Variants in PTPRO observed in about 807,000 individuals in gnomAD.
PTPRO encodes protein tyrosine phosphatase receptor type O, also known as receptor-type tyrosine-protein phosphatase O.
Under a neutral mutation model 145.2 loss-of-function variants are expected in PTPRO, and 62 were observed. The observed-to-expected ratio is 0.43, with a 90% CI of 0.35 to 0.53. The LOEUF (loss-of-function observed/expected upper bound fraction) is 0.53. PTPRO is among the 20% of genes least tolerant of loss of function. The pLI, the probability that PTPRO is intolerant of heterozygous loss-of-function variation, is 0.01. For missense variants in PTPRO, 1,345 were observed against 1,482.7 expected (o/e 0.91, Z 1.53); for synonymous variants, 565 against 514.7 (o/e 1.10, Z -1.32).
intron 1 of PTPRO, among the ~76,000 whole-genome samples, chr12:15,434,307 C>G (rs1024688879): frequency 5.3e-5 from 8 of 152,196 alleles, no homozygotes; most frequent in Non-Finnish European, 1.2e-4. Flanking sequence ...TTTCAAAATA[C>G]TTTTAGGTTT....
chr12:15,578,874 G>A lies in PTPRO; in HGVS notation c.2851G>A (p.Asp951Asn). The change falls in exon 20 of 27, where the codon GAT (aspartate) becomes AAT (asparagine). Residue 951 changes from aspartate (D) to asparagine (N), a missense_variant. Physicochemically the swap from Asp to Asn is conservative, Grantham distance 23. Transcript: ENST00000281171. ...QFEELKLIGL[D>N]IPHFAADLPL... Reference sequence around the variant, plus strand: ...ACAGGAGTTGAAATTGATTGGACTGGATATCCCACACTTTGCTGCAGATCT... The same window carrying A: ...ACAGGAGTTGAAATTGATTGGACTGAATATCCCACACTTTGCTGCAGATCT... The A allele has an allele frequency of 1.2e-6, 2 of 1,603,108 alleles. No homozygotes were observed. Among genetic ancestry groups the A allele is most frequent in the East Asian group, 2.2e-5 (1 of 44,788 alleles).
chr12:15,448,783 T>C (rs1209565158), intron 1 of PTPRO, among the ~76,000 whole-genome samples: 1 of 152,112 alleles, frequency 6.6e-6, no homozygotes, highest in Non-Finnish European at 1.5e-5. Flanking sequence ...TAAGTTTCTG[T>C]TGATTGAAAA....
chr12:15,440,612 G>C (rs750118374), intron 1 of PTPRO, among the ~76,000 whole-genome samples: 1 of 152,068 alleles, frequency 6.6e-6, no homozygotes, highest in African/African-American at 2.4e-5. Flanking sequence ...TCTAATCCCA[G>C]CACTTTGGGA....
chr12:15,487,761 G>A (rs1941920114), intron 2 of PTPRO, among the ~76,000 whole-genome samples: 1 of 152,120 alleles, frequency 6.6e-6, no homozygotes, highest in Non-Finnish European at 1.5e-5. Flanking sequence ...TGATGGAAAT[G>A]TTCTATGTCC....
At chr12:15,425,921 A>C (rs1940273376) in intron 1 of PTPRO, among the ~76,000 whole-genome samples, 1 of 151,922 alleles carries the variant, frequency 6.6e-6, no homozygotes, top group Admixed American at 6.6e-5. Context: ...AATATATACA[A>C]TTAGTGTCTT....
At chr12:15,511,993 AT>A (rs1450501615) in intron 7 of PTPRO, among the ~76,000 whole-genome samples, 1 of 152,232 alleles carries the variant, frequency 6.6e-6, no homozygotes, top group African/African-American at 2.4e-5. Context: ...TATGCCCTTT[AT>A]TATTCTAAAC....
At chr12:15,354,700 T>C (rs1937928148) in intron 1 of PTPRO, among the ~76,000 whole-genome samples, 1 of 152,194 alleles carries the variant, frequency 6.6e-6, no homozygotes, top group African/African-American at 2.4e-5. Flanking sequence ...AAAAAAGGTT[T>C]GTTATATGGT....
intron 12 of PTPRO, among the ~76,000 whole-genome samples, chr12:15,541,376 TC>T (rs1943177222): frequency 6.6e-6 from 1 of 152,320 alleles, no homozygotes; most frequent in Non-Finnish European, 1.5e-5. Context: ...GGTTTTTTCA[TC>T]CCTCATGTGC....
intron 12 of PTPRO, among the ~76,000 whole-genome samples, chr12:15,531,169 G>A (rs928800168): frequency 3.3e-5 from 5 of 152,018 alleles, no homozygotes; most frequent in Admixed American, 2.6e-4. Context: ...TTAAGAACAA[G>A]AAAACCTTAA....
intron 1 of PTPRO, among the ~76,000 whole-genome samples, chr12:15,334,286 C>T (rs1180569365): frequency 1.3e-5 from 2 of 152,020 alleles, no homozygotes; most frequent in African/African-American, 4.8e-5. Flanking sequence ...ATTGTCTTTT[C>T]CTGGATAAAA....
At chr12:15,482,638 A>G (rs1941803849) in intron 1 of PTPRO, among the ~76,000 whole-genome samples, 1 of 152,172 alleles carries the variant, frequency 6.6e-6, no homozygotes. Flanking sequence ...GGTACCCCAT[A>G]AAGATGTAAA....
chr12:15,402,711 TTTG>T lies in PTPRO; in HGVS notation c.75+79913_75+79915del, dbSNP rs557870928. The stretch of plus-strand genomic sequence containing the variant: ...ACAAATGTTGTCATTTGCCTTTATG[TTTG>T]TTATTTCACTGACACCAAGCAGTAC... On this transcript the variant is annotated intron_variant, in intron 1 of 26. Transcript: ENST00000281171. 7.1e-3 allele frequency among the ~76,000 whole-genome samples: 1,076 copies of T among 152,280 alleles called. 7 individuals carry two copies. The highest frequency in any genetic ancestry group is 0.012 in the Non-Finnish European group (820 of 68,018).
chr12:15,575,759 G>A lies in PTPRO; in HGVS notation c.2830-3094G>A, dbSNP rs1944171071. On this transcript the variant is annotated intron_variant, in intron 19 of 26. Coordinates refer to ENST00000281171, the MANE Select transcript of PTPRO (RefSeq NM_030667.3). ...AGAGCCAGAATTCCAAAATCAAGGT[G>A]TCAGCAGGGCCACACTCCCCCTGAA... 2.6e-5 allele frequency among the ~76,000 whole-genome samples: 4 copies of A among 152,154 alleles called. No individual in the cohort carries two copies. In the South Asian group the frequency reaches 8.3e-4, roughly 31 times the overall value.
chr12:15,498,961 T>A (rs1392750566), intron 3 of PTPRO, among the ~76,000 whole-genome samples: 1 of 152,182 alleles, frequency 6.6e-6, no homozygotes, highest in Non-Finnish European at 1.5e-5. Flanking sequence ...ATCCAAACTT[T>A]TATTATTTCT....
chr12:15,441,718 T>C (rs984719817), intron 1 of PTPRO, among the ~76,000 whole-genome samples: 2 of 152,116 alleles, frequency 1.3e-5, no homozygotes, highest in African/African-American at 2.4e-5. Flanking sequence ...GAGACCATTA[T>C]GAACCTCTCT....
At chr12:15,329,144 T>G (rs1866537287) in intron 1 of PTPRO, among the ~76,000 whole-genome samples, 1 of 152,198 alleles carries the variant, frequency 6.6e-6, no homozygotes, top group African/African-American at 2.4e-5. Context: ...ATACTGTTCC[T>G]TCATTATTAC....
chr12:15,468,751 A>G (rs949481244), intron 1 of PTPRO, among the ~76,000 whole-genome samples: 2 of 152,248 alleles, frequency 1.3e-5, no homozygotes, highest in Non-Finnish European at 2.9e-5. Context: ...AGCATACAGC[A>G]GGCACTCAAT....
At position 15,524,968 on chromosome 12, in the gene PTPRO, A is replaced by G; in HGVS notation, c.2043+3A>G. The G allele has an allele frequency of 6.2e-7, 1 of 1,613,768 alleles. No individual in the cohort carries two copies. The highest frequency in any genetic ancestry group is 8.5e-7 in the Non-Finnish European group (1 of 1,179,872). ...GAAAAAAGAAAATTAAAAAGAGTGT[A>G]TGTTTCTTTGAATGCCAGCATTGTG... On this transcript the variant is annotated splice_donor_region_variant and intron_variant, in intron 11 of 26. Transcript: ENST00000281171.
In PTPRO at chr12:15,416,229, C is replaced by T. The variant is rs1047562662; in HGVS notation, c.76-67745C>T. 1.3e-4 allele frequency among the ~76,000 whole-genome samples: 20 copies of T among 151,618 alleles called. 1 individual carries two copies. Among genetic ancestry groups the T allele is most frequent in the African/African-American group, 4.6e-4 (19 of 41,004 alleles). ...CTATGCCCTTGTCGTGTTGAATGAA[C>T]GAATGAATCATGAGTTTCAAGCCTA... On this transcript the variant is annotated intron_variant, in intron 1 of 26. Coordinates refer to ENST00000281171, the MANE Select transcript of PTPRO (RefSeq NM_030667.3).
Sources: allele counts gnomAD v4.1 joint callset (sites outside exome capture counted in the v4.1 genomes callset), GRCh38; gene constraint gnomAD v4.1.1; transcripts MANE v1.5; gene names NCBI Gene and HGNC (gene_info 2026-07-23, HGNC 2026-07-21).